PCBP3: variants seen among roughly 807,000 people sequenced by gnomAD.
PCBP3 encodes poly(rC)-binding protein 3.
PCBP3 carries 25 observed loss-of-function variants against 52.7 expected under a neutral mutation model. The ratio of observed to expected loss-of-function variants is 0.47; its 90% CI spans 0.35 to 0.66. The LOEUF (loss-of-function observed/expected upper bound fraction) is 0.66. Among genes scored for constraint, PCBP3 ranks in the 30% least tolerant of loss-of-function variants. The probability of loss-of-function intolerance (pLI) is 0.01; values close to 1 mark genes in which losing one functional copy is unlikely to be tolerated. For synonymous variants in PCBP3, 162 were observed against 183.0 expected (o/e 0.89, Z 0.93); for missense variants, 391 against 490.3 (o/e 0.80, Z 1.91).
At chr21:45,874,930 C>A (rs1229465742) in intron 5 of PCBP3, among the ~76,000 whole-genome samples, 1 of 152,202 alleles carries the variant, frequency 6.6e-6, no homozygotes, top group Non-Finnish European at 1.5e-5. Flanking sequence ...CACGAGAGAG[C>A]ATGCAGGTCC....
intron 2 of PCBP3, among the ~76,000 whole-genome samples, chr21:45,698,189 C>T (rs2082902140): frequency 1.3e-5 from 2 of 152,264 alleles, no homozygotes; most frequent in Non-Finnish European, 2.9e-5. Flanking sequence ...ACAGACTCTC[C>T]AAGATTAGGC....
At chr21:45,860,723 G>C (rs569997184) in intron 5 of PCBP3, among the ~76,000 whole-genome samples, 2 of 152,350 alleles carry the variant, frequency 1.3e-5, no homozygotes, top group Admixed American at 6.5e-5. Context: ...CTGCGGGGGA[G>C]ATGGACAGCC....
intron 4 of PCBP3, among the ~76,000 whole-genome samples, chr21:45,792,468 T>C (rs1022982276): frequency 6.6e-6 from 1 of 152,244 alleles, no homozygotes. Context: ...GAGTTTTCTT[T>C]TTTAAAAAAG....
At chr21:45,746,675 G>GTT (rs767443448) in intron 3 of PCBP3, among the ~76,000 whole-genome samples, 14 of 85,932 alleles carry the variant, frequency 1.6e-4, no homozygotes, top group Admixed American at 3.3e-4. Context: ...GCCACATGGT[G>GTT]GTGTCAGCAT....
chr21:45,649,182 A>G lies in PCBP3; in HGVS notation c.-279+5314A>G, dbSNP rs143899445. Among the ~76,000 whole-genome samples the G allele has an allele frequency of 1.3e-3, 201 of 152,312 alleles. 2 individuals carry two copies. Among genetic ancestry groups the G allele is most frequent in the African/African-American group, 4.4e-3 (181 of 41,576 alleles). ...AGGTACATCTCACATGGCAGCAGAC[A>G]AGAGAAGAGAGAGAGCTTGTGCAGG... On this transcript the variant is annotated intron_variant, in intron 1 of 17. Coordinates refer to ENST00000681687, the MANE Select transcript of PCBP3 (RefSeq NM_001384156.1).
chr21:45,889,972 A>G (rs1445394052), intron 5 of PCBP3, among the ~76,000 whole-genome samples: 1 of 152,276 alleles, frequency 6.6e-6, no homozygotes, highest in African/African-American at 2.4e-5. Flanking sequence ...CAGTGGCTCC[A>G]GCCAATGACC....
At chr21:45,764,693 G>C (rs2089121666) in intron 4 of PCBP3, among the ~76,000 whole-genome samples, 1 of 152,208 alleles carries the variant, frequency 6.6e-6, no homozygotes. Flanking sequence ...GAGTCAGCCA[G>C]CTCAAGAGTG....
chr21:45,664,897 T>C (rs1488565860), intron 1 of PCBP3, among the ~76,000 whole-genome samples: 2 of 151,954 alleles, frequency 1.3e-5, no homozygotes, highest in African/African-American at 2.4e-5. Flanking sequence ...GATAGTTTAC[T>C]GAGAATGATG....
chr21:45,838,316 C>A (rs1481951921), intron 4 of PCBP3, among the ~76,000 whole-genome samples: 1 of 152,136 alleles, frequency 6.6e-6, no homozygotes. Context: ...TGCCTTCTGT[C>A]GTATGTGTTC....
chr21:45,849,500 C>T lies in PCBP3; in HGVS notation c.-125-461C>T, dbSNP rs571480848. Among the ~76,000 whole-genome samples, 4 of 152,266 alleles carry T rather than the reference C, an allele frequency of 2.6e-5. No homozygotes were observed. In the East Asian group the frequency reaches 7.7e-4, roughly 29 times the overall value. On this transcript the variant is annotated intron_variant, in intron 4 of 17. Coordinates refer to ENST00000681687, the MANE Select transcript of PCBP3 (RefSeq NM_001384156.1). ...GGATTACAGGCATGAGCCACCACAT[C>T]CAACCTCAAATGTGCCTTTTTTTTC...
intron 1 of PCBP3, among the ~76,000 whole-genome samples, chr21:45,660,716 CCTT>C (rs1374351455): frequency 1.3e-5 from 2 of 152,138 alleles, no homozygotes; most frequent in Non-Finnish European, 2.9e-5. Context: ...TCCATTCCCT[CCTT>C]CTTCCTTTGT....
At chr21:45,734,810 A>T (rs2085736005) in intron 2 of PCBP3, among the ~76,000 whole-genome samples, 2 of 151,402 alleles carry the variant, frequency 1.3e-5, no homozygotes, top group Admixed American at 1.3e-4. Flanking sequence ...TCCCAGTCTC[A>T]CTCTTTCTCT....
chr21:45,742,516 T>G (rs950820301), intron 3 of PCBP3, among the ~76,000 whole-genome samples: 4 of 152,330 alleles, frequency 2.6e-5, no homozygotes, highest in Middle Eastern at 6.8e-3. Flanking sequence ...GTCGTGCACT[T>G]TTTCATCTGA....
At chr21:45,672,715 G>T (rs1353579606) in intron 2 of PCBP3, among the ~76,000 whole-genome samples, 1 of 152,120 alleles carries the variant, frequency 6.6e-6, no homozygotes, top group Non-Finnish European at 1.5e-5. Context: ...TCACCTGTGT[G>T]TACAGTTTAG....
At chr21:45,666,399 T>G (rs2080798505) in intron 1 of PCBP3, among the ~76,000 whole-genome samples, 5 of 152,204 alleles carry the variant, frequency 3.3e-5, no homozygotes, top group Admixed American at 3.3e-4. Flanking sequence ...ACAAGTTACA[T>G]TTATACTGTC....
At chr21:45,863,134 A>G (rs1360658934) in intron 5 of PCBP3, among the ~76,000 whole-genome samples, 4 of 152,188 alleles carry the variant, frequency 2.6e-5, no homozygotes, top group Admixed American at 2.6e-4. Context: ...TCTCAGTCAC[A>G]ACAAAGAAGA....
At chr21:45,790,867 TG>T (rs923675404) in intron 4 of PCBP3, among the ~76,000 whole-genome samples, 5 of 151,958 alleles carry the variant, frequency 3.3e-5, no homozygotes, top group African/African-American at 1.2e-4. Flanking sequence ...GCAGAGGGGC[TG>T]GGGCAGCAAG....
intron 4 of PCBP3, among the ~76,000 whole-genome samples, chr21:45,779,679 CA>C (rs2090497037): frequency 6.6e-6 from 1 of 152,108 alleles, no homozygotes; most frequent in African/African-American, 2.4e-5. Context: ...CGTAAAACTA[CA>C]AAATATTGCC....
intron 4 of PCBP3, among the ~76,000 whole-genome samples, chr21:45,792,662 T>C (rs986678520): frequency 6.6e-6 from 1 of 152,072 alleles, no homozygotes; most frequent in African/African-American, 2.4e-5. Flanking sequence ...TCTTGATTGA[T>C]TATTAAGAGA....
Sources: allele counts gnomAD v4.1 joint callset (sites outside exome capture counted in the v4.1 genomes callset), GRCh38; gene constraint gnomAD v4.1.1; transcripts MANE v1.5; gene names NCBI Gene and HGNC (gene_info 2026-07-23, HGNC 2026-07-21).